Variants in MRPS27 observed in about 807,000 individuals in gnomAD.
MRPS27 encodes small ribosomal subunit protein mS27.
In MRPS27, 43 loss-of-function variants were observed where a neutral mutation model predicts 48.9. That is an observed-to-expected ratio of 0.88 (90% CI 0.69 to 1.13). The LOEUF is 1.13. Among genes scored for constraint, MRPS27 ranks in the 50% most tolerant of loss-of-function variants. The pLI is 0.00. For synonymous variants in MRPS27, 188 were observed against 171.9 expected (o/e 1.09, Z -0.73); for missense variants, 467 against 476.3 (o/e 0.98, Z 0.18).
intron 4 of MRPS27, chr5:72,294,838 C>G (rs1264072777): frequency 6.6e-6 from 1 of 151,736 alleles, no homozygotes; most frequent in Non-Finnish European, 1.5e-5. Flanking sequence ...TTGAGTATCT[C>G]TAATTTGAAA....
intron 4 of MRPS27, 89 bp downstream of exon 4, chr5:72,295,442 T>G (rs1749951290): frequency 1.0e-6 from 1 of 953,900 alleles, no homozygotes; most frequent in Non-Finnish European, 1.6e-6. Context: ...TTAGAAGGTG[T>G]CAAAATTATA....
chr5:72,243,610 TAC>T (rs1665625985), intron 4 of MRPS27, among the ~76,000 whole-genome samples: 1 of 152,142 alleles, frequency 6.6e-6, no homozygotes, highest in South Asian at 2.1e-4. Flanking sequence ...ACTTTCCACA[TAC>T]ACACACTTAG....
intron 4 of MRPS27, among the ~76,000 whole-genome samples, chr5:72,242,428 G>GA (rs750987632): frequency 0.61 from 73,413 of 120,472 alleles, 21,584 homozygotes; most frequent in African/African-American, 0.69. Context: ...GATCAAGAGT[G>GA]AAAAAAAAAA....
chr5:72,290,746 GA>G (rs1391548935), intron 4 of MRPS27, among the ~76,000 whole-genome samples: 1 of 152,166 alleles, frequency 6.6e-6, no homozygotes, highest in African/African-American at 2.4e-5. Context: ...CCCAGAAAAA[GA>G]AAGTATTTTG....
At chr5:72,269,041 G>A (rs1420929383) in intron 4 of MRPS27, among the ~76,000 whole-genome samples, 1 of 152,194 alleles carries the variant, frequency 6.6e-6, no homozygotes, top group African/African-American at 2.4e-5. Flanking sequence ...GAGGGAATAT[G>A]CATCTGGTTT....
At chr5:72,304,451 T>G (rs558191303) in intron 2 of MRPS27, among the ~76,000 whole-genome samples, 5 of 152,052 alleles carry the variant, frequency 3.3e-5, no homozygotes, top group Non-Finnish European at 5.9e-5. Context: ...GCTATATAAA[T>G]CATATAAACA....
At chr5:72,319,143 T>A (rs1750662916) in intron 1 of MRPS27, among the ~76,000 whole-genome samples, 1 of 152,242 alleles carries the variant, frequency 6.6e-6, no homozygotes, top group Non-Finnish European at 1.5e-5. Flanking sequence ...ATTGCATTTT[T>A]ATCAAATATG....
chr5:72,279,818 T>C (rs1446283107), intron 4 of MRPS27, among the ~76,000 whole-genome samples: 1 of 152,206 alleles, frequency 6.6e-6, no homozygotes, highest in African/African-American at 2.4e-5. Flanking sequence ...TATACTACTA[T>C]TAATATTCTC....
chr5:72,299,199 A>C (rs1750065567), intron 2 of MRPS27, among the ~76,000 whole-genome samples: 1 of 152,106 alleles, frequency 6.6e-6, no homozygotes, highest in Non-Finnish European at 1.5e-5. Context: ...TTATACCCCA[A>C]ACCTCAGTGC....
At position 72,242,428 on chromosome 5, in the gene MRPS27, G is replaced by GAAA. The variant is rs750987632; in HGVS notation, c.282-4303_282-4301dup. Among the ~76,000 whole-genome samples, 169 of 120,744 alleles carry GAAA rather than the reference G, an allele frequency of 1.4e-3. 3 individuals carry two copies. Among genetic ancestry groups the GAAA allele is most frequent in the African/African-American group, 4.9e-3 (159 of 32,374 alleles). 79.2% of individuals were successfully genotyped at this position (120,744 alleles called of 152,430 possible). A position where few individuals can be genotyped will look rare whatever the true frequency, so the allele number is the denominator to read the frequency against. On this transcript the variant is annotated intron_variant, in intron 4 of 10. Transcript: ENST00000261413. ...AGGTTATATAAAAGAGATCAAGAGT[G>GAAA]AAAAAAAAAAAAAAAACACCACAGA...
chr5:72,241,715 GA>G (rs1193789800), intron 4 of MRPS27: 12 of 1,533,734 alleles, frequency 7.8e-6, no homozygotes, highest in Non-Finnish European at 1.0e-5. Flanking sequence ...AAAGAGAAAA[GA>G]ATACAACTAA....
intron 4 of MRPS27, among the ~76,000 whole-genome samples, chr5:72,247,837 T>C (rs913654652): frequency 6.6e-6 from 1 of 152,172 alleles, no homozygotes; most frequent in Admixed American, 6.5e-5. Context: ...CAGAAATGGT[T>C]GAACTCTAAA....
Position 72,295,377 on chromosome 5 carries a change from T to C in MRPS27, c.281+154A>G, listed in dbSNP as rs1749949284. ...CACAGTATGGAATAAAATGCAGTTA[T>C]AAAAAATCAGAAACTCTCTCTATAC... On this transcript the variant is annotated intron_variant, in intron 4 of 10. Coordinates refer to ENST00000261413, the MANE Select transcript of MRPS27 (RefSeq NM_015084.3). 5 of 572,850 alleles carry C rather than the reference T, an allele frequency of 8.7e-6. No individual in the cohort carries two copies. In the Admixed American group the frequency reaches 1.0e-4, roughly 12 times the overall value. 35.5% of individuals were successfully genotyped at this position (572,850 alleles called of 1,614,324 possible).
rs1005671104 is a variant in MRPS27, at chr5:72,220,823, T to G, written c.*86A>C. 27 of 1,543,784 alleles carry G rather than the reference T, an allele frequency of 1.7e-5. No homozygotes were observed. Among genetic ancestry groups the G allele is most frequent in the Non-Finnish European group, 2.0e-5 (23 of 1,142,568 alleles). On this transcript the variant is annotated 3_prime_UTR_variant, in exon 11 of 11. Transcript: ENST00000261413. ...AGAAAAGAAGATGGGTAGAGGAAGC[T>G]GAGGCTGTTGTCCAGGCCACTGCTG...
chr5:72,312,816 C>T (rs1040424058), intron 2 of MRPS27, among the ~76,000 whole-genome samples: 2 of 151,992 alleles, frequency 1.3e-5, no homozygotes, highest in African/African-American at 4.8e-5. Context: ...GACGGGGTTT[C>T]ATCATCTTGG....
chr5:72,278,391 C>T (rs1580092605), intron 4 of MRPS27, among the ~76,000 whole-genome samples: 2 of 148,860 alleles, frequency 1.3e-5, no homozygotes, highest in African/African-American at 2.5e-5. Context: ...TGCAGTGAGC[C>T]GAGATCGCGC....
intron 4 of MRPS27, among the ~76,000 whole-genome samples, chr5:72,261,412 GGTAATCTTT>G (rs899943312): frequency 6.6e-6 from 1 of 151,930 alleles, no homozygotes; most frequent in African/African-American, 2.4e-5. Context: ...CACATGCCTG[GGTAATCTTT>G]GTATTTTTAG....
intron 4 of MRPS27, among the ~76,000 whole-genome samples, chr5:72,249,037 A>G (rs1293095996): frequency 3.9e-5 from 6 of 152,374 alleles, no homozygotes; most frequent in African/African-American, 1.4e-4. Flanking sequence ...CAAGTGTGGT[A>G]GCAAGTAGAC....
intron 4 of MRPS27, chr5:72,241,589 C>T: frequency 6.8e-7 from 1 of 1,472,866 alleles, no homozygotes; most frequent in Non-Finnish European, 9.2e-7. Flanking sequence ...AATGTGGGGA[C>T]TTTTCAACTT....
Sources: allele counts gnomAD v4.1 joint callset (sites outside exome capture counted in the v4.1 genomes callset), GRCh38; gene constraint gnomAD v4.1.1; transcripts MANE v1.5; gene names NCBI Gene and HGNC (gene_info 2026-07-23, HGNC 2026-07-21).